FGD5: variants seen among roughly 807,000 people sequenced by gnomAD.
The protein encoded by FGD5 is FYVE, RhoGEF and PH domain-containing protein 5.
FGD5 carries 28 observed loss-of-function variants against 133.4 expected under a neutral mutation model. The ratio of observed to expected loss-of-function variants is 0.21; its 90% CI spans 0.16 to 0.29. The LOEUF (loss-of-function observed/expected upper bound fraction) is 0.29, where lower values mean the gene tolerates loss of function less well. FGD5 is among the 10% of genes least tolerant of loss of function. The pLI, the probability that FGD5 is intolerant of heterozygous loss-of-function variation, is 1.00. For synonymous variants in FGD5, 810 were observed against 776.5 expected, an observed-to-expected ratio of 1.04 and a Z score of -0.72; for missense variants, 1,858 against 1,895.2, an observed-to-expected ratio of 0.98 and a Z score of 0.36.
intron 1 of FGD5, among the ~76,000 whole-genome samples, chr3:14,844,217 AATAT>A (rs869290486): frequency 3.5e-3 from 71 of 20,276 alleles, no homozygotes; most frequent in Admixed American, 5.1e-3. Context: ...AAAAAAAAAA[AATAT>A]ATATATATAT....
In FGD5 at chr3:14,820,694, C is replaced by T. The variant is rs2036475976; in HGVS notation, c.1623C>T (p.Pro541=). ...CCAGCAGGGCCTTGCCAGCAAAGCCCAGGGCCTTTACTTTATACCCTCGGT... is the reference window on the plus strand; with the variant it reads ...CCAGCAGGGCCTTGCCAGCAAAGCCTAGGGCCTTTACTTTATACCCTCGGT... ...LEASRALPAK[P]RAFTLYPRSF... Residue 541 remains proline (P), a synonymous_variant, in exon 1 of 20, where the codon CCC becomes CCT. Transcript: ENST00000285046. 6.3e-7 allele frequency: 1 copy of T among 1,592,990 alleles called. No individual in the cohort carries two copies.
chr3:14,917,227 C>T lies in FGD5; in HGVS notation c.3406-22C>T. On this transcript the variant is annotated intron_variant, in intron 11 of 19. Transcript: ENST00000285046. This position sits in a 1 kb window ranked among gnomAD's most constrained non-coding sequence, Gnocchi z 4.1. ...CAGCCTTCTGGGGCCAGGGTCCTCT[C>T]ATAGGGTTTCCCTCTCTCCAGATGA... The T allele has an allele frequency of 6.2e-7, 1 of 1,608,754 alleles. No individual in the cohort carries two copies. The highest frequency in any genetic ancestry group is 8.5e-7 in the Non-Finnish European group (1 of 1,177,208).
At position 14,917,128 on chromosome 3, in the gene FGD5, T is replaced by G. The variant is rs2038571516; in HGVS notation, c.3406-121T>G. The G allele has an allele frequency of 1.2e-6, 1 of 801,890 alleles. No individual in the cohort carries two copies. Among genetic ancestry groups the G allele is most frequent in the East Asian group, 2.9e-5 (1 of 34,836 alleles). 49.7% of individuals were successfully genotyped at this position (801,890 alleles called of 1,614,324 possible). A position where few individuals can be genotyped will look rare whatever the true frequency, so the allele number is the denominator to read the frequency against. On this transcript the variant is annotated intron_variant, in intron 11 of 19. Transcript: ENST00000285046. The surrounding 1 kb of genome is among the most constrained non-coding windows in gnomAD (Gnocchi z 4.1). ...TGGCCGCAACGTTTTTGCTCACCTG[T>G]GGGGGTTACTGAGGAATACAAGATG...
intron 2 of FGD5, among the ~76,000 whole-genome samples, chr3:14,879,542 CT>C (rs1416849822): frequency 6.6e-6 from 1 of 152,210 alleles, no homozygotes; most frequent in Non-Finnish European, 1.5e-5. Flanking sequence ...AGAGTTAGTG[CT>C]TCCCAAGGGG....
intron 17 of FGD5, among the ~76,000 whole-genome samples, chr3:14,924,592 C>T (rs928765300): frequency 1.3e-5 from 2 of 152,132 alleles, no homozygotes; most frequent in Admixed American, 1.3e-4. Flanking sequence ...ACAAATAGGA[C>T]CAGATTGTAT....
chr3:14,845,743 A>C (rs1305780666), intron 1 of FGD5, among the ~76,000 whole-genome samples: 2 of 152,220 alleles, frequency 1.3e-5, no homozygotes, highest in Non-Finnish European at 2.9e-5. Flanking sequence ...AGCAGTGTTC[A>C]TTGCCACGTG....
rs903432616 is a variant in FGD5 at position 14,925,758 on chromosome 3, C to T, written c.4069-312C>T. The stretch of plus-strand genomic sequence containing the variant: ...GTTAATTTTAGAAGGAAGAACCTTT[C>T]GCCGAAGTACCTGAACGAAGTTTCT... On this transcript the variant is annotated intron_variant, in intron 17 of 19. Coordinates refer to ENST00000285046, the MANE Select transcript of FGD5 (RefSeq NM_152536.4). Among the ~76,000 whole-genome samples, 3 of 152,150 alleles carry T rather than the reference C, an allele frequency of 2.0e-5. 1 individual carries two copies. The highest frequency in any genetic ancestry group is 4.1e-4 in the South Asian group (2 of 4,820).
At chr3:14,845,856 G>A (rs1332006476) in intron 1 of FGD5, among the ~76,000 whole-genome samples, 3 of 152,192 alleles carry the variant, frequency 2.0e-5, no homozygotes, top group Non-Finnish European at 4.4e-5. Flanking sequence ...CCTGACTAGT[G>A]GCAGTGTGAA....
chr3:14,876,072 G>A (rs570357319), intron 2 of FGD5, among the ~76,000 whole-genome samples: 12 of 152,256 alleles, frequency 7.9e-5, no homozygotes, highest in East Asian at 3.9e-4. Context: ...GAGGGGAGGC[G>A]ACGAGATAGG....
intron 18 of FGD5, among the ~76,000 whole-genome samples, chr3:14,929,198 T>C (rs2038863662): frequency 1.3e-5 from 2 of 152,226 alleles, no homozygotes; most frequent in Admixed American, 6.5e-5. Flanking sequence ...TAAGGCTGAG[T>C]AGTCTTCCAT....
At chr3:14,929,046 C>A (rs2038861397) in intron 18 of FGD5, among the ~76,000 whole-genome samples, 2 of 152,192 alleles carry the variant, frequency 1.3e-5, no homozygotes, top group African/African-American at 4.8e-5. Context: ...CCAGAGGCAA[C>A]ACCCTGTTCC....
At chr3:14,921,037 T>C (rs1477705217) in intron 13 of FGD5, among the ~76,000 whole-genome samples, 1 of 152,092 alleles carries the variant, frequency 6.6e-6, no homozygotes, top group Non-Finnish European at 1.5e-5. Flanking sequence ...GGCCATGACT[T>C]GAGGGTGGTG....
intron 1 of FGD5, among the ~76,000 whole-genome samples, chr3:14,811,598 A>G (rs1346881933): frequency 6.6e-6 from 1 of 151,708 alleles, no homozygotes; most frequent in Non-Finnish European, 1.5e-5. Flanking sequence ...TTCCTGCTCT[A>G]TGAATTTGAC....
intron 1 of FGD5, among the ~76,000 whole-genome samples, chr3:14,841,400 G>A (rs1345227583): frequency 1.3e-5 from 2 of 152,178 alleles, no homozygotes; most frequent in Non-Finnish European, 2.9e-5. Flanking sequence ...ATGTGCTTAG[G>A]AACATGGGGA....
intron 4 of FGD5, chr3:14,882,206 T>A (rs1358577800): frequency 5.3e-6 from 4 of 761,586 alleles, no homozygotes; most frequent in Non-Finnish European, 6.4e-6. Context: ...ATTTTTTTTT[T>A]AACTTCTCTC....
intron 16 of FGD5, among the ~76,000 whole-genome samples, chr3:14,923,762 A>G (rs1368338696): frequency 6.6e-6 from 1 of 152,208 alleles, no homozygotes; most frequent in African/African-American, 2.4e-5. Flanking sequence ...AAGACAGCCC[A>G]GTCCCTGCTA....
At position 14,922,509 on chromosome 3, in the gene FGD5, C is replaced by A; in HGVS notation, c.3768C>A (p.Ser1256=). 1 of 1,582,708 alleles carries A rather than the reference C, an allele frequency of 6.3e-7. No individual in the cohort carries two copies. ...MMCMNCGCDF[S]LTLRRHHCHA... is the part of the protein sequence containing the mutation. ...GCATGAACTGCGGCTGCGACTTCTC[C>A]CTCACCCTGCGGCGTCATCACTGTC... The change falls in exon 15 of 20, where the codon TCC becomes TCA. Residue 1256 remains serine (S), a synonymous_variant. Coordinates refer to ENST00000285046, the MANE Select transcript of FGD5 (RefSeq NM_152536.4). This position sits in a 1 kb window ranked among gnomAD's most constrained non-coding sequence, Gnocchi z 4.1.
At position 14,922,693 on chromosome 3, in the gene FGD5, G is replaced by C. The variant is rs988083646; in HGVS notation, c.3807+145G>C. 8.6e-7 allele frequency: 1 copy of C among 1,165,058 alleles called. No individual in the cohort carries two copies. The highest frequency in any genetic ancestry group is 1.5e-5 in the African/African-American group (1 of 65,138). The allele number at this position is 1,165,058 out of a possible 1,614,324, so 72.2% of individuals were successfully genotyped here. ...TGTTCACACCAACCCGAGAGGAACA[G>C]ATTGCTAATTCCCATTTTATAGATC... On this transcript the variant is annotated intron_variant, in intron 15 of 19. Transcript: ENST00000285046. This position sits in a 1 kb window ranked among gnomAD's most constrained non-coding sequence, Gnocchi z 4.1.
chr3:14,884,729 G>C (rs2037891471), intron 4 of FGD5, among the ~76,000 whole-genome samples: 1 of 152,176 alleles, frequency 6.6e-6, no homozygotes, highest in Non-Finnish European at 1.5e-5. Flanking sequence ...GACCGGGGGT[G>C]ACCTGATGGC....
Sources: gnomAD v4.1 joint callset for allele counts (sites outside exome capture counted in the v4.1 genomes callset) on GRCh38, gnomAD v4.1.1 for gene constraint, Gnocchi (gnomAD v3.1) non-coding constraint, MANE v1.5 for transcripts, NCBI Gene and HGNC (gene_info 2026-07-23, HGNC 2026-07-21) for gene names.